Variants in RAD54B observed in about 807,000 individuals in gnomAD.
RAD54B encodes the protein DNA repair and recombination protein RAD54B.
A neutral mutation model predicts 95.8 loss-of-function variants in RAD54B; 78 were observed. That is an observed-to-expected ratio of 0.81 (90% CI 0.68 to 0.98). The LOEUF (loss-of-function observed/expected upper bound fraction) is 0.98, where lower values mean the gene tolerates loss of function less well. Among genes scored for constraint, RAD54B ranks in the 50% least tolerant of loss-of-function variants. The pLI is 0.00. For synonymous variants in RAD54B, 328 were observed against 354.9 expected (o/e 0.92, Z 0.85); for missense variants, 957 against 1,056.6 (o/e 0.91, Z 1.31).
intron 3 of RAD54B, among the ~76,000 whole-genome samples, chr8:94,418,252 T>C (rs527638401): frequency 4.5e-4 from 68 of 152,294 alleles, no homozygotes; most frequent in African/African-American, 1.6e-3. Context: ...TGTGCATCTC[T>C]GGTTATTTGT....
intron 5 of RAD54B, 101 bp from the exon 6 acceptor site, chr8:94,404,340 T>C (rs1224872131): frequency 1.6e-6 from 2 of 1,219,280 alleles, no homozygotes; most frequent in Non-Finnish European, 2.2e-6. Flanking sequence ...TGCCATCATT[T>C]GTGGCCAAAA....
intron 3 of RAD54B, chr8:94,432,410 T>A: frequency 6.4e-7 from 1 of 1,550,466 alleles, no homozygotes; most frequent in Non-Finnish European, 8.7e-7. Flanking sequence ...GAATAGAAGA[T>A]GGAGACGATG....
intron 14 of RAD54B, among the ~76,000 whole-genome samples, chr8:94,372,666 T>C (rs1015023604): frequency 2.6e-5 from 4 of 152,144 alleles, no homozygotes; most frequent in Non-Finnish European, 2.9e-5. Flanking sequence ...TAAATAATCA[T>C]CTGAAAAATG....
chr8:94,413,087 G>C (rs1366494568), intron 3 of RAD54B, among the ~76,000 whole-genome samples: 1 of 151,986 alleles, frequency 6.6e-6, no homozygotes, highest in Non-Finnish European at 1.5e-5. Context: ...AATAAGCACA[G>C]CTCCTATTTC....
chr8:94,381,705 A>T (rs1048837131), intron 11 of RAD54B, among the ~76,000 whole-genome samples: 3 of 152,208 alleles, frequency 2.0e-5, no homozygotes, highest in Admixed American at 2.0e-4. Context: ...GTTTGACAGG[A>T]AATACATTAA....
intron 1 of RAD54B, among the ~76,000 whole-genome samples, chr8:94,469,453 C>A (rs1280487993): frequency 6.6e-6 from 1 of 152,190 alleles, no homozygotes. Flanking sequence ...GTCCAATAAA[C>A]CTCTTTCCTA....
intron 2 of RAD54B, among the ~76,000 whole-genome samples, chr8:94,459,982 C>G (rs1468658234): frequency 6.7e-6 from 1 of 149,664 alleles, no homozygotes; most frequent in Middle Eastern, 3.4e-3. Flanking sequence ...CATGGTGAAA[C>G]CCGGTCTCTA....
At chr8:94,432,993 G>GT (rs1812154149) in intron 3 of RAD54B, among the ~76,000 whole-genome samples, 1 of 152,050 alleles carries the variant, frequency 6.6e-6, no homozygotes, top group Non-Finnish European at 1.5e-5. Flanking sequence ...CAACCCTAAG[G>GT]TTTTCAAATG....
rs925899837 is a variant in RAD54B, at chr8:94,411,177, A to G, written c.443T>C (p.Ile148Thr). 5.6e-6 allele frequency: 9 copies of G among 1,611,064 alleles called. No homozygotes were observed. The highest frequency in any genetic ancestry group is 1.3e-5 in the African/African-American group (1 of 74,794). The change falls in exon 4 of 15, where the codon ATT (isoleucine) becomes ACT (threonine). Residue 148 changes from isoleucine (I) to threonine (T), a missense_variant. Ile to Thr is a moderately conservative substitution (Grantham distance 89). Transcript: ENST00000336148. ...TAATATAAATGACTTTCCTTTTACA[A>G]TAAGAACAGCATCACCTTCCCACTT... is the stretch of plus-strand genomic sequence containing the variant. ...HKKWEGDAVL[I>T]VKGKSFILKN...
At chr8:94,418,949 A>G (rs1811736022) in intron 3 of RAD54B, among the ~76,000 whole-genome samples, 2 of 152,138 alleles carry the variant, frequency 1.3e-5, no homozygotes, top group Admixed American at 1.3e-4. Context: ...TAATGCTGCA[A>G]TTTGAATTTG....
At chr8:94,414,100 T>C (rs1276474900) in intron 3 of RAD54B, among the ~76,000 whole-genome samples, 1 of 152,140 alleles carries the variant, frequency 6.6e-6, no homozygotes, top group Admixed American at 6.5e-5. Flanking sequence ...CCTCCCAAAG[T>C]GCTAGGATTA....
intron 2 of RAD54B, among the ~76,000 whole-genome samples, chr8:94,459,991 T>C (rs959751425): frequency 5.3e-5 from 8 of 150,584 alleles, no homozygotes; most frequent in Non-Finnish European, 4.4e-5. Context: ...ACCCGGTCTC[T>C]ACTAAAAATA....
intron 3 of RAD54B, among the ~76,000 whole-genome samples, chr8:94,421,815 G>A (rs934624828): frequency 2.0e-5 from 3 of 152,142 alleles, no homozygotes; most frequent in African/African-American, 7.2e-5. Context: ...TCTGAATTTT[G>A]GTATTACTGC....
chr8:94,459,769 A>AGAATCGCTT (rs990742910), intron 2 of RAD54B, among the ~76,000 whole-genome samples: 1 of 151,924 alleles, frequency 6.6e-6, no homozygotes, highest in African/African-American at 2.4e-5. Context: ...CTGAGGCAGG[A>AGAATCGCTT]GAATCGCTTG....
intron 3 of RAD54B, among the ~76,000 whole-genome samples, chr8:94,413,532 C>T (rs1218132178): frequency 1.3e-5 from 2 of 152,102 alleles, no homozygotes; most frequent in Non-Finnish European, 2.9e-5. Flanking sequence ...TAAGTCACCC[C>T]ATATACAAAA....
At chr8:94,443,023 T>C (rs1248735011) in intron 3 of RAD54B, among the ~76,000 whole-genome samples, 1 of 152,218 alleles carries the variant, frequency 6.6e-6, no homozygotes, top group African/African-American at 2.4e-5. Flanking sequence ...CACATGCCAA[T>C]TGTAACCTTG....
At chr8:94,392,300 C>A (rs1188175750) in intron 9 of RAD54B, among the ~76,000 whole-genome samples, 2 of 152,176 alleles carry the variant, frequency 1.3e-5, no homozygotes, top group African/African-American at 4.8e-5. Flanking sequence ...CCTGCTCTAT[C>A]ACCCAGGCTG....
intron 3 of RAD54B, among the ~76,000 whole-genome samples, chr8:94,456,152 TC>T (rs1192102985): frequency 6.6e-6 from 1 of 152,090 alleles, no homozygotes; most frequent in Admixed American, 6.5e-5. Context: ...CCCAAAGAAA[TC>T]ACATTCCCTA....
chr8:94,452,708 AG>A (rs1172255416), intron 3 of RAD54B, among the ~76,000 whole-genome samples: 1 of 152,136 alleles, frequency 6.6e-6, no homozygotes, highest in Non-Finnish European at 1.5e-5. Flanking sequence ...TGTGTTAGCC[AG>A]GATGGTCTCG....
Sources: gnomAD v4.1 joint callset for allele counts (sites outside exome capture counted in the v4.1 genomes callset) on GRCh38, gnomAD v4.1.1 for gene constraint, MANE v1.5 for transcripts, NCBI Gene and HGNC (gene_info 2026-07-23, HGNC 2026-07-21) for gene names.